The following PIK3R1 variants were observed in gnomAD, a reference collection of about 807,000 sequenced individuals.
PIK3R1 encodes phosphatidylinositol 3-kinase regulatory subunit alpha.
PIK3R1 carries 29 observed loss-of-function variants against 98.0 expected under a neutral mutation model. The ratio of observed to expected loss-of-function variants is 0.30; its 90% CI spans 0.22 to 0.40. The LOEUF (loss-of-function observed/expected upper bound fraction) is 0.40. Among genes scored for constraint, PIK3R1 ranks in the 10% least tolerant of loss-of-function variants. The probability of loss-of-function intolerance (pLI) is 1.00; values close to 1 mark genes in which losing one functional copy is unlikely to be tolerated. For synonymous variants in PIK3R1, 282 were observed against 311.8 expected (o/e 0.90, Z 1.01); for missense variants, 596 against 872.7 (o/e 0.68, Z 3.99).
chr5:68,253,771 C>T (rs1009016030), intron 2 of PIK3R1, among the ~76,000 whole-genome samples: 5 of 152,234 alleles, frequency 3.3e-5, no homozygotes, highest in South Asian at 2.1e-4. Context: ...GTTCCAGCTG[C>T]GCACATTTGC....
intron 2 of PIK3R1, among the ~76,000 whole-genome samples, chr5:68,228,385 A>T (rs1191754313): frequency 1.3e-5 from 2 of 152,192 alleles, no homozygotes; most frequent in Non-Finnish European, 2.9e-5. Context: ...TTTCTTTCCC[A>T]TACCCAGCCC....
chr5:68,272,548 A>G (rs1746406946), intron 2 of PIK3R1, among the ~76,000 whole-genome samples: 1 of 152,004 alleles, frequency 6.6e-6, no homozygotes, highest in Admixed American at 6.6e-5. Context: ...CAATGGTCTT[A>G]TTTATTTTTT....
Position 68,293,292 on chromosome 5 carries a change from T to G in PIK3R1, c.1119-11T>G, listed in dbSNP as rs375814436. ...AATGTTAATACCTTTATTTTTATATTGTTTTTACAGGAAAGGGGGAAATAA... is the reference window on the plus strand; with the variant it reads ...AATGTTAATACCTTTATTTTTATATGGTTTTTACAGGAAAGGGGGAAATAA... On this transcript the variant is annotated splice_polypyrimidine_tract_variant and intron_variant, in intron 9 of 15. Transcript: ENST00000521381. 1 of 1,605,682 alleles carries G rather than the reference T, an allele frequency of 6.2e-7. No homozygotes were observed. The highest frequency in any genetic ancestry group is 8.5e-7 in the Non-Finnish European group (1 of 1,173,978).
intron 2 of PIK3R1, among the ~76,000 whole-genome samples, chr5:68,236,513 T>G (rs1403337176): frequency 6.6e-6 from 1 of 152,016 alleles, no homozygotes; most frequent in Admixed American, 6.6e-5. Context: ...CCTCCCAAAG[T>G]GCTGGGATTG....
intron 7 of PIK3R1, among the ~76,000 whole-genome samples, chr5:68,284,459 C>T (rs1165549879): frequency 6.6e-6 from 1 of 152,190 alleles, no homozygotes; most frequent in Non-Finnish European, 1.5e-5. Flanking sequence ...ATGGAGCAGC[C>T]TAGATTTCAT....
At chr5:68,275,418 A>G (rs1746530867) in intron 4 of PIK3R1, among the ~76,000 whole-genome samples, 1 of 152,168 alleles carries the variant, frequency 6.6e-6, no homozygotes, top group African/African-American at 2.4e-5. Flanking sequence ...GTTTAGTCAC[A>G]GGAAGAGTTT....
chr5:68,284,767 A>G (rs1176870088), intron 7 of PIK3R1, among the ~76,000 whole-genome samples: 1 of 152,210 alleles, frequency 6.6e-6, no homozygotes, highest in Non-Finnish European at 1.5e-5. Context: ...CAGCATAATA[A>G]TTATCTAAAT....
intron 2 of PIK3R1, among the ~76,000 whole-genome samples, chr5:68,235,867 C>G (rs1255968226): frequency 2.1e-5 from 3 of 145,794 alleles, no homozygotes; most frequent in African/African-American, 8.0e-5. Flanking sequence ...ATTATTCTGC[C>G]AGGCATTTTT....
At chr5:68,292,742 CTT>C (rs761777915) in intron 8 of PIK3R1, 11 of 1,272,310 alleles carry the variant, frequency 8.6e-6, no homozygotes, top group Middle Eastern at 3.2e-4. Context: ...TGGAGAAACT[CTT>C]TTGAGATCAT....
At chr5:68,275,825 C>A (rs546248306) in intron 4 of PIK3R1, among the ~76,000 whole-genome samples, 12 of 151,984 alleles carry the variant, frequency 7.9e-5, no homozygotes, top group Admixed American at 7.2e-4. Flanking sequence ...TAGTCACTTA[C>A]ACCTAAAAAA....
At chr5:68,289,536 G>A (rs55786128) in intron 7 of PIK3R1, among the ~76,000 whole-genome samples, 1 of 151,576 alleles carries the variant, frequency 6.6e-6, no homozygotes, top group Non-Finnish European at 1.5e-5. Flanking sequence ...TTTTAAATGA[G>A]CCACATTTAC....
chr5:68,223,009 C>A (rs1436107050), intron 1 of PIK3R1, among the ~76,000 whole-genome samples: 1 of 151,368 alleles, frequency 6.6e-6, no homozygotes, highest in African/African-American at 2.5e-5. Context: ...CACACACACA[C>A]ACATACATAT....
In PIK3R1 at chr5:68,301,440, GTATATA is replaced by G. The variant is rs367780084; in HGVS notation, c.*3849_*3854del. ...TATATATATATATATATATGTGTGTGTATATATATATATATGTGTATATATATATGT... is the reference window on the plus strand; with the variant it reads ...TATATATATATATATATATGTGTGTGTATATATATGTGTATATATATATGT... On this transcript the variant is annotated 3_prime_UTR_variant, in exon 16 of 16. Coordinates refer to ENST00000521381, the MANE Select transcript of PIK3R1 (RefSeq NM_181523.3). The G allele has an allele frequency of 7.1e-5, 7 of 98,930 alleles. No homozygotes were observed. The highest frequency in any genetic ancestry group is 1.9e-5 in the Non-Finnish European group (1 of 52,016). 6.1% of individuals were successfully genotyped at this position (98,930 alleles called of 1,614,324 possible). A position where few individuals can be genotyped will look rare whatever the true frequency, so the allele number is the denominator to read the frequency against.
chr5:68,269,852 A>G (rs1194625474), intron 2 of PIK3R1, among the ~76,000 whole-genome samples: 1 of 151,464 alleles, frequency 6.6e-6, no homozygotes, highest in Non-Finnish European at 1.5e-5. Flanking sequence ...GACATTTTGT[A>G]CTAAGGAATA....
At chr5:68,273,313 T>G in intron 2 of PIK3R1, 77 bp from the exon 3 acceptor site, 1 of 1,307,858 alleles carries the variant, frequency 7.6e-7, no homozygotes, top group South Asian at 1.2e-5. Flanking sequence ...ATTAAATTAT[T>G]TTGTACGTCC....
At chr5:68,216,829 C>G (rs1361574927) in intron 1 of PIK3R1, among the ~76,000 whole-genome samples, 1 of 131,570 alleles carries the variant, frequency 7.6e-6, no homozygotes, top group African/African-American at 3.1e-5. Flanking sequence ...AACAGAAAAC[C>G]TCTGGCCAGG....
intron 2 of PIK3R1, among the ~76,000 whole-genome samples, chr5:68,240,904 C>T (rs1744849578): frequency 1.3e-5 from 2 of 152,284 alleles, no homozygotes; most frequent in South Asian, 4.1e-4. Context: ...CTGTCACTCT[C>T]CACTTCCCAG....
rs1233949475 is a variant in PIK3R1, at chr5:68,301,650, C to T, written c.*4049C>T. 1 of 143,466 alleles carries T rather than the reference C, an allele frequency of 7.0e-6. No homozygotes were observed. The highest frequency in any genetic ancestry group is 1.4e-5 in the Non-Finnish European group (1 of 72,916). 8.9% of individuals were successfully genotyped at this position (143,466 alleles called of 1,614,324 possible). On this transcript the variant is annotated 3_prime_UTR_variant, in exon 16 of 16. Transcript: ENST00000521381. ...TCTTTTGACGAGAGGGAGGATGTCA[C>T]GGTCAGTTGTAACTTTGCCTTCACA...
intron 2 of PIK3R1, among the ~76,000 whole-genome samples, chr5:68,248,331 G>A (rs1745182732): frequency 6.6e-6 from 1 of 152,064 alleles, no homozygotes; most frequent in Non-Finnish European, 1.5e-5. Context: ...ATAGATATAT[G>A]AATTCAGTTA....
Sources: allele counts gnomAD v4.1 joint callset (sites outside exome capture counted in the v4.1 genomes callset), GRCh38; gene constraint gnomAD v4.1.1; transcripts MANE v1.5; gene names NCBI Gene and HGNC (gene_info 2026-07-23, HGNC 2026-07-21).